RANBP3L: variants seen among roughly 807,000 people sequenced by gnomAD.
RANBP3L encodes the protein RAN binding protein 3 like.
A neutral mutation model predicts 67.2 loss-of-function variants in RANBP3L; 56 were observed. That is an observed-to-expected ratio of 0.83 (90% confidence interval 0.67 to 1.04). The LOEUF (loss-of-function observed/expected upper bound fraction) is 1.04. RANBP3L is among the 50% of genes least tolerant of loss of function. The pLI is 0.00. For synonymous variants in RANBP3L, 164 were observed against 181.4 expected, an observed-to-expected ratio of 0.90 and a Z score of 0.77; for missense variants, 496 against 535.5, an observed-to-expected ratio of 0.93 and a Z score of 0.73.
chr5:36,300,514 T>G (rs1752540258), intron 1 of RANBP3L, among the ~76,000 whole-genome samples: 1 of 151,130 alleles, frequency 6.6e-6, no homozygotes, highest in Non-Finnish European at 1.5e-5. Context: ...ATTAAAGAGC[T>G]CATTGCCTAG....
At chr5:36,263,198 G>A (rs1749519503) in intron 6 of RANBP3L, among the ~76,000 whole-genome samples, 1 of 151,834 alleles carries the variant, frequency 6.6e-6, no homozygotes, top group Non-Finnish European at 1.5e-5. Context: ...TTTTAATGAT[G>A]GGCATATACA....
chr5:36,267,524 AAG>A lies in RANBP3L; in HGVS notation c.268+1864_268+1865del, dbSNP rs201837254. Among the ~76,000 whole-genome samples, 1,248 of 152,136 alleles carry A rather than the reference AAG, an allele frequency of 8.2e-3. 17 individuals are homozygous for A. Among genetic ancestry groups the A allele is most frequent in the African/African-American group, 0.028 (1,177 of 41,494 alleles). On this transcript the variant is annotated intron_variant, in intron 4 of 13. Coordinates refer to ENST00000296604, the MANE Select transcript of RANBP3L (RefSeq NM_145000.5). ...CTCCGTCTCAAAAAAAAAAAAAAGA[AAG>A]AAAGAAAGAAAAAACTCTGTAGTTC...
chr5:36,275,422 G>A (rs1004007599), intron 1 of RANBP3L, among the ~76,000 whole-genome samples: 1 of 152,126 alleles, frequency 6.6e-6, no homozygotes, highest in Non-Finnish European at 1.5e-5. Flanking sequence ...TCATACTCAT[G>A]TATTATCCTA....
At chr5:36,280,568 C>A (rs1399960489) in intron 1 of RANBP3L, among the ~76,000 whole-genome samples, 1 of 152,106 alleles carries the variant, frequency 6.6e-6, no homozygotes, top group African/African-American at 2.4e-5. Context: ...AGGCAGATCA[C>A]CCTATCAATC....
At chr5:36,300,687 G>C (rs1387561731) in intron 1 of RANBP3L, among the ~76,000 whole-genome samples, 2 of 152,106 alleles carry the variant, frequency 1.3e-5, no homozygotes, top group Non-Finnish European at 2.9e-5. Context: ...GGATCATCTT[G>C]TCTATTCATG....
intron 8 of RANBP3L, among the ~76,000 whole-genome samples, chr5:36,258,786 C>T (rs952731455): frequency 9.2e-5 from 14 of 152,326 alleles, no homozygotes; most frequent in Non-Finnish European, 1.3e-4. Flanking sequence ...CTTTAGGGCC[C>T]AGTGTCTCCT....
rs1014907071 is a variant in RANBP3L at position 36,271,243 on chromosome 5, T to A, written c.150+10A>T. 1 of 1,430,420 alleles carries A rather than the reference T, an allele frequency of 7.0e-7. No individual in the cohort carries two copies. The highest frequency in any genetic ancestry group is 1.4e-5 in the African/African-American group (1 of 71,058). The allele number at this position is 1,430,420 out of a possible 1,614,324, so 88.6% of individuals were successfully genotyped here. On this transcript the variant is annotated intron_variant, in intron 2 of 13. Coordinates refer to ENST00000296604, the MANE Select transcript of RANBP3L (RefSeq NM_145000.5). ...AAAGTAAAATTGAACAAAGAAGTAGTCAATCTTACCTTAAAAGTTTGTTCT... is the reference window on the plus strand; with the variant it reads ...AAAGTAAAATTGAACAAAGAAGTAGACAATCTTACCTTAAAAGTTTGTTCT...
At chr5:36,253,609 A>G in intron 12 of RANBP3L, 38 bp downstream of exon 12, 1 of 1,508,910 alleles carries the variant, frequency 6.6e-7, no homozygotes, top group Non-Finnish European at 9.2e-7. Flanking sequence ...CTATTAATTT[A>G]GTAGGATAAT....
At chr5:36,289,218 T>A (rs540559358) in intron 1 of RANBP3L, among the ~76,000 whole-genome samples, 2 of 152,292 alleles carry the variant, frequency 1.3e-5, no homozygotes, top group South Asian at 4.1e-4. Context: ...AAAAACCAAC[T>A]GACAATGTAC....
chr5:36,301,702 T>C lies in RANBP3L; in HGVS notation c.-286A>G, dbSNP rs559810448. The stretch of plus-strand genomic sequence containing the variant: ...TTTCAAAACAAATTGAAACTAAACC[T>C]CCTTATAGAGTAAAATTCTACAAAT... On this transcript the variant is annotated 5_prime_UTR_variant, in exon 1 of 14. Coordinates refer to ENST00000296604, the MANE Select transcript of RANBP3L (RefSeq NM_145000.5). The C allele has an allele frequency of 5.7e-4, 178 of 313,114 alleles. No individual in the cohort carries two copies. Among genetic ancestry groups the C allele is most frequent in the Middle Eastern group, 1.9e-3 (2 of 1,068 alleles). 19.4% of individuals were successfully genotyped at this position (313,114 alleles called of 1,614,324 possible). A position where few individuals can be genotyped will look rare whatever the true frequency, so the allele number is the denominator to read the frequency against.
chr5:36,258,638 A>C (rs1457802766), intron 8 of RANBP3L, among the ~76,000 whole-genome samples: 2 of 152,216 alleles, frequency 1.3e-5, no homozygotes, highest in African/African-American at 4.8e-5. Context: ...ATAAGCCTTT[A>C]TAAGTTGAGG....
intron 7 of RANBP3L, 72 bp from the exon 8 acceptor site, chr5:36,260,936 G>A: frequency 1.5e-6 from 1 of 659,820 alleles, no homozygotes; most frequent in Non-Finnish European, 2.6e-6. Flanking sequence ...GAAATAATCA[G>A]ATAATTTAAT....
intron 13 of RANBP3L, 55 bp downstream of exon 13, chr5:36,251,258 C>T (rs1439010733): frequency 7.7e-6 from 11 of 1,427,948 alleles, no homozygotes; most frequent in East Asian, 4.6e-5. Flanking sequence ...ATATTAGGAT[C>T]GTGCTTAAGA....
chr5:36,263,259 T>C (rs1305803893), intron 6 of RANBP3L, among the ~76,000 whole-genome samples: 1 of 152,160 alleles, frequency 6.6e-6, no homozygotes, highest in Non-Finnish European at 1.5e-5. Flanking sequence ...GACCTTATAA[T>C]TTATTCAAAA....
chr5:36,265,472 A>C lies in RANBP3L; in HGVS notation c.317T>G (p.Val106Gly), dbSNP rs553690078. Residue 106 changes from valine (V) to glycine (G), a missense_variant, in exon 5 of 14, where the codon GTT (valine) becomes GGT (glycine). By Grantham distance (109) the Val-to-Gly change is moderately radical. Transcript: ENST00000296604. ...FMTSALVQSS[V>G]DIKSAEQGPV... ...ACCTTGTTCAGCACTCTTTATATCA[A>C]CACTACTTTGCACAAGAGCTGATGT... 2.5e-6 allele frequency: 4 copies of C among 1,604,686 alleles called. No individual in the cohort carries two copies. The East Asian group carries it at 6.7e-5, about 27-fold the overall frequency.
chr5:36,253,848 A>G lies in RANBP3L; in HGVS notation c.1025-59T>C, dbSNP rs1183610296. 4.0e-6 allele frequency: 6 copies of G among 1,507,486 alleles called. No individual in the cohort carries two copies. The African/African-American group carries it at 7.0e-5, about 18-fold the overall frequency. The allele number at this position is 1,507,486 out of a possible 1,614,324, so 93.4% of individuals were successfully genotyped here. The stretch of plus-strand genomic sequence containing the variant: ...AACAGTTGACACGGAGGAATTTACC[A>G]TTTTCAAAAGCAAAATAAATCTTGT... On this transcript the variant is annotated intron_variant, in intron 11 of 13. Coordinates refer to ENST00000296604, the MANE Select transcript of RANBP3L (RefSeq NM_145000.5).
At chr5:36,286,009 C>T (rs187630125) in intron 1 of RANBP3L, among the ~76,000 whole-genome samples, 36 of 152,224 alleles carry the variant, frequency 2.4e-4, no homozygotes, top group Admixed American at 1.6e-3. Flanking sequence ...CAGGATAATT[C>T]GTGGTTACTG....
At chr5:36,280,664 G>T (rs28568951) in intron 1 of RANBP3L, among the ~76,000 whole-genome samples, 9 of 152,080 alleles carry the variant, frequency 5.9e-5, no homozygotes, top group Non-Finnish European at 8.8e-5. Flanking sequence ...TGATCATCAC[G>T]TGCAGTGCTA....
rs1448362119 is a variant in RANBP3L, at chr5:36,272,317, T to C, written c.92-1006A>G. 2.0e-5 allele frequency among the ~76,000 whole-genome samples: 3 copies of C among 152,346 alleles called. No individual in the cohort carries two copies. The South Asian group carries it at 6.2e-4, about 32-fold the overall frequency. On this transcript the variant is annotated intron_variant, in intron 1 of 13. Transcript: ENST00000296604. Reference sequence around the variant, plus strand: ...ATTGCTAAATGATGACAACACATTCTGGATGAGACCAAGTAAGACCTCAGA... The same window carrying C: ...ATTGCTAAATGATGACAACACATTCCGGATGAGACCAAGTAAGACCTCAGA...
Sources: gnomAD v4.1 joint callset for allele counts (sites outside exome capture counted in the v4.1 genomes callset) on GRCh38, gnomAD v4.1.1 for gene constraint, MANE v1.5 for transcripts, NCBI Gene and HGNC (gene_info 2026-07-23, HGNC 2026-07-21) for gene names.